The following TMEM117 variants were observed in gnomAD, a reference collection of about 807,000 sequenced individuals.
The protein encoded by TMEM117 is transmembrane protein 117.
Under a neutral mutation model 52.4 loss-of-function variants are expected in TMEM117, and 27 were observed. The observed-to-expected ratio is 0.51, with a 90% confidence interval of 0.38 to 0.71. TMEM117 has a LOEUF of 0.71. TMEM117 is among the 30% of genes least tolerant of loss of function. TMEM117 has a pLI of 0.00. For synonymous variants in TMEM117, 215 were observed against 206.3 expected, an observed-to-expected ratio of 1.04 and a Z score of -0.36; for missense variants, 556 against 630.5, an observed-to-expected ratio of 0.88 and a Z score of 1.26.
At chr12:44,152,198 TATA>T (rs1948742977) in intron 4 of TMEM117, among the ~76,000 whole-genome samples, 1 of 109,254 alleles carries the variant, frequency 9.2e-6, no homozygotes, top group South Asian at 3.1e-4. Flanking sequence ...TATATATAAA[TATA>T]ATTATATTTA....
rs1193091039 is a variant in TMEM117 at position 44,039,553 on chromosome 12, G to C, written c.410+95211G>C. Among the ~76,000 whole-genome samples, 5 of 152,012 alleles carry C rather than the reference G, an allele frequency of 3.3e-5. No homozygotes were observed. In the East Asian group the frequency reaches 9.7e-4, roughly 29 times the overall value. ...TTTGAGATTTTGACTGGCAATCCATGTATAGATAAATTTGTGATAAAGTTA... is the reference window on the plus strand; with the variant it reads ...TTTGAGATTTTGACTGGCAATCCATCTATAGATAAATTTGTGATAAAGTTA... On this transcript the variant is annotated intron_variant, in intron 3 of 7. Transcript: ENST00000266534.
intron 4 of TMEM117, among the ~76,000 whole-genome samples, chr12:44,152,981 G>T (rs1380973934): frequency 1.3e-5 from 2 of 150,530 alleles, no homozygotes; most frequent in Non-Finnish European, 3.0e-5. Context: ...TAGAATCATG[G>T]TGGGCCTGCA....
chr12:43,912,725 A>G lies in TMEM117; in HGVS notation c.278-31485A>G, dbSNP rs11182323. On this transcript the variant is annotated intron_variant, in intron 2 of 7. Coordinates refer to ENST00000266534, the MANE Select transcript of TMEM117 (RefSeq NM_032256.3). ...TTATCCTTAAAGTACTGATGTTTTT[A>G]TTGGTGCTTTTCCATGTGATTTTCA... 8.9e-3 allele frequency among the ~76,000 whole-genome samples: 1,352 copies of G among 151,754 alleles called. 38 individuals carry two copies. Among genetic ancestry groups the G allele is most frequent in the East Asian group, 0.066 (341 of 5,148 alleles).
At chr12:44,189,022 G>T (rs547669962) in intron 4 of TMEM117, among the ~76,000 whole-genome samples, 2 of 152,048 alleles carry the variant, frequency 1.3e-5, no homozygotes, top group East Asian at 3.9e-4. Flanking sequence ...CAGGGTAATT[G>T]GGATATATAC....
chr12:44,087,286 A>T (rs1426267610), intron 3 of TMEM117, among the ~76,000 whole-genome samples: 3 of 152,142 alleles, frequency 2.0e-5, no homozygotes, highest in Non-Finnish European at 2.9e-5. Context: ...TTCACTAATT[A>T]CTTCAAGGTA....
intron 6 of TMEM117, among the ~76,000 whole-genome samples, chr12:44,375,700 C>T (rs890385464): frequency 6.6e-6 from 1 of 152,092 alleles, no homozygotes; most frequent in African/African-American, 2.4e-5. Context: ...AGAATATTAA[C>T]TAAATATAGG....
chr12:43,907,179 T>G (rs1485454380), intron 2 of TMEM117, among the ~76,000 whole-genome samples: 1 of 152,114 alleles, frequency 6.6e-6, no homozygotes, highest in Non-Finnish European at 1.5e-5. Context: ...CTCAAGTGGG[T>G]CCCTGACCCC....
chr12:43,865,540 T>C (rs985322759), intron 2 of TMEM117, among the ~76,000 whole-genome samples: 3 of 151,698 alleles, frequency 2.0e-5, no homozygotes, highest in African/African-American at 7.3e-5. Context: ...CTGCTAAAAA[T>C]ACAAAAATTA....
intron 3 of TMEM117, among the ~76,000 whole-genome samples, chr12:44,133,276 G>T (rs1253776385): frequency 2.0e-5 from 3 of 152,198 alleles, no homozygotes; most frequent in Admixed American, 6.5e-5. Flanking sequence ...GGCATCAGTT[G>T]AGGAGAGGGT....
intron 2 of TMEM117, among the ~76,000 whole-genome samples, chr12:43,894,940 C>T (rs1037395564): frequency 6.6e-6 from 1 of 151,990 alleles, no homozygotes; most frequent in African/African-American, 2.4e-5. Flanking sequence ...ATAATTATTG[C>T]ATATGTACTA....
At chr12:44,092,842 G>C (rs1226133685) in intron 3 of TMEM117, among the ~76,000 whole-genome samples, 2 of 152,156 alleles carry the variant, frequency 1.3e-5, no homozygotes, top group African/African-American at 4.8e-5. Flanking sequence ...TGAACACAGA[G>C]CATATATTAT....
rs377533744 is a variant in TMEM117 at position 44,299,756 on chromosome 12, C to T, written c.768+17C>T. ...GTGATGCAGGTAAGTGTATTTCCCT[C>T]CCCTCAGTGAAGCTGCTGCATGCTC... is the stretch of plus-strand genomic sequence containing the variant. On this transcript the variant is annotated intron_variant, in intron 6 of 7. Transcript: ENST00000266534. The T allele has an allele frequency of 2.5e-4, 408 of 1,613,296 alleles. No individual in the cohort carries two copies. The highest frequency in any genetic ancestry group is 3.3e-4 in the Non-Finnish European group (394 of 1,179,586).
At chr12:44,090,851 T>G (rs1947658188) in intron 3 of TMEM117, among the ~76,000 whole-genome samples, 2 of 137,022 alleles carry the variant, frequency 1.5e-5, no homozygotes, top group South Asian at 4.4e-4. Flanking sequence ...TTTTTTTTGT[T>G]TTTTTTTTTT....
intron 3 of TMEM117, among the ~76,000 whole-genome samples, chr12:44,116,685 A>G (rs1449930529): frequency 6.6e-6 from 1 of 152,158 alleles, no homozygotes; most frequent in Non-Finnish European, 1.5e-5. Flanking sequence ...CACTTCCTGT[A>G]TTTGCTAATT....
In TMEM117 at chr12:44,358,247, A is replaced by G. The variant is rs140890746; in HGVS notation, c.769-18348A>G. On this transcript the variant is annotated intron_variant, in intron 6 of 7. Coordinates refer to ENST00000266534, the MANE Select transcript of TMEM117 (RefSeq NM_032256.3). ...GCTCAGTACTATGGTGACAGGATCA[A>G]TCATACCACAAACCTAGCATCACAC... is the stretch of plus-strand genomic sequence containing the variant. Among the ~76,000 whole-genome samples the G allele has an allele frequency of 4.3e-3, 655 of 152,276 alleles. 1 individual carries two copies. Among genetic ancestry groups the G allele is most frequent in the African/African-American group, 0.014 (601 of 41,572 alleles).
chr12:44,159,223 G>GTTAA (rs1948867089), intron 4 of TMEM117, among the ~76,000 whole-genome samples: 1 of 152,168 alleles, frequency 6.6e-6, no homozygotes, highest in Non-Finnish European at 1.5e-5. Context: ...GTTTGAAAGT[G>GTTAA]TTAAGTCTTC....
At chr12:43,799,025 A>G in the TMEM117 span, among the ~76,000 whole-genome samples, 1 of 152,098 alleles carries the variant, frequency 6.6e-6, no homozygotes, top group Non-Finnish European at 1.5e-5. Context: ...TAGAAAGCCA[A>G]CAAAACAATA....
chr12:44,062,251 A>G (rs751592165), intron 3 of TMEM117, among the ~76,000 whole-genome samples: 1 of 152,238 alleles, frequency 6.6e-6, no homozygotes, highest in Non-Finnish European at 1.5e-5. Context: ...TTGCATTAGA[A>G]GTAAATAAAG....
intron 3 of TMEM117, among the ~76,000 whole-genome samples, chr12:44,046,606 C>G (rs1419222593): frequency 6.6e-6 from 1 of 152,072 alleles, no homozygotes; most frequent in Non-Finnish European, 1.5e-5. Flanking sequence ...TTGCTGAAGG[C>G]AAAGGGAATA....
Sources: allele counts gnomAD v4.1 joint callset (sites outside exome capture counted in the v4.1 genomes callset), GRCh38; gene constraint gnomAD v4.1.1; transcripts MANE v1.5; gene names NCBI Gene and HGNC (gene_info 2026-07-23, HGNC 2026-07-21).